Variants in AVEN observed in about 807,000 individuals in gnomAD.
The protein encoded by AVEN is apoptosis and caspase activation inhibitor, also known as cell death regulator Aven.
Under a neutral mutation model 38.1 loss-of-function variants are expected in AVEN, and 41 were observed. The ratio of observed to expected loss-of-function variants is 1.08; its 90% confidence interval spans 0.84 to 1.40. The LOEUF (loss-of-function observed/expected upper bound fraction) is 1.40, where lower values mean the gene tolerates loss of function less well. Ranked by LOEUF, AVEN falls within the 40% of genes most tolerant of loss-of-function variation. The pLI is 0.00. For synonymous variants in AVEN, 206 were observed against 171.8 expected, an observed-to-expected ratio of 1.20 and a Z score of -1.56; for missense variants, 605 against 438.8, an observed-to-expected ratio of 1.38 and a Z score of -3.38.
chr15:34,060,381 C>G (rs1900294743), intron 5 of AVEN, among the ~76,000 whole-genome samples: 2 of 152,088 alleles, frequency 1.3e-5, no homozygotes, highest in Non-Finnish European at 2.9e-5. Context: ...CAACTCGATT[C>G]CATATTGAAT....
rs372176230 is a variant in AVEN, at chr15:33,867,555, C to A, written c.913G>T (p.Asp305Tyr). 13 of 1,612,928 alleles carry A rather than the reference C, an allele frequency of 8.1e-6. No homozygotes were observed. The East Asian group carries it at 2.9e-4, about 36-fold the overall frequency. ...PIKEGDNILP[D>Y]QTSQDLKSKE... ...GATTTCAGGTCCTGAGACGTCTGAT[C>A]TGGTAAGATGTTATCTCCCTCTTTT... The change falls in exon 5 of 6, where the codon GAT (aspartate) becomes TAT (tyrosine). Residue 305 changes from aspartate to tyrosine, a missense_variant. Physicochemically the swap from Asp to Tyr is radical, Grantham distance 160. Coordinates refer to ENST00000306730, the MANE Select transcript of AVEN (RefSeq NM_020371.3).
Position 34,038,805 on chromosome 15 carries a change from C to CCTCCCGG in AVEN, c.235_241dup (p.Gly81AlafsTer13), listed in dbSNP as rs1370625277. The CCTCCCGG allele has an allele frequency of 6.7e-6, 8 of 1,193,060 alleles. No homozygotes were observed. The highest frequency in any genetic ancestry group is 8.3e-6 in the Non-Finnish European group (8 of 962,588). 73.9% of individuals were successfully genotyped at this position (1,193,060 alleles called of 1,614,324 possible). A position where few individuals can be genotyped will look rare whatever the true frequency, so the allele number is the denominator to read the frequency against. ...CGGCGCGCTGGCCCCTGCGCCCCAG[C>CCTCCCGG]CTCCCGGCTCCCGGCGGCTGCCTCG... On this transcript the variant is annotated frameshift_variant, in exon 1 of 6. Transcript: ENST00000306730. LOFTEE classifies it high-confidence loss of function.
chr15:33,889,367 T>C (rs1251732647), intron 2 of AVEN, among the ~76,000 whole-genome samples: 1 of 152,236 alleles, frequency 6.6e-6, no homozygotes, highest in Non-Finnish European at 1.5e-5. Flanking sequence ...CCAGCAGATT[T>C]CTTGCTTTTA....
chr15:34,063,081 C>G lies in AVEN; in HGVS notation n.1478G>C. On this transcript the variant is annotated non_coding_transcript_exon_variant, in exon 5 of 12. Coordinates refer to the AVEN transcript ENST00000675287. The surrounding 1 kb of genome is among the most constrained non-coding windows in gnomAD (Gnocchi z 4.1). ...CAGCAACGCTTCTGTCATGAACCTT[C>G]TGGTGATCAGTTTTGACCGTTACTT... is the stretch of plus-strand genomic sequence containing the variant. 6.2e-7 allele frequency: 1 copy of G among 1,614,216 alleles called. No individual in the cohort carries two copies. Among genetic ancestry groups the G allele is most frequent in the Non-Finnish European group, 8.5e-7 (1 of 1,180,044 alleles).
chr15:33,968,167 C>T (rs1895470894), intron 2 of AVEN, among the ~76,000 whole-genome samples: 2 of 108,500 alleles, frequency 1.8e-5, no homozygotes, highest in Admixed American at 1.0e-4. Flanking sequence ...TGAACATTTT[C>T]AAAAGCATTT....
At chr15:33,863,409 G>A (rs200664393), downstream of AVEN, among the ~76,000 whole-genome samples, 6 of 152,170 alleles carry the variant, frequency 3.9e-5, no homozygotes, top group East Asian at 1.2e-3. Context: ...TCAAGATCTG[G>A]GGCTTAGACT....
At chr15:33,912,221 C>T (rs1049363200) in intron 2 of AVEN, among the ~76,000 whole-genome samples, 2 of 152,082 alleles carry the variant, frequency 1.3e-5, no homozygotes, top group African/African-American at 4.8e-5. Context: ...AAAGAACAAA[C>T]GTATGTTCTT....
At chr15:33,972,911 T>C (rs1895703482) in intron 2 of AVEN, among the ~76,000 whole-genome samples, 1 of 152,164 alleles carries the variant, frequency 6.6e-6, no homozygotes, top group African/African-American at 2.4e-5. Context: ...ACTCCACGCA[T>C]AATTACAAGT....
chr15:33,865,065 A>C, downstream of AVEN: 1 of 1,329,374 alleles, frequency 7.5e-7, no homozygotes, highest in South Asian at 1.2e-5. Context: ...CAAAGAACAA[A>C]AACAAACTGG....
At chr15:33,887,482 T>C (rs1449523127) in intron 2 of AVEN, among the ~76,000 whole-genome samples, 1 of 152,228 alleles carries the variant, frequency 6.6e-6, no homozygotes, top group Non-Finnish European at 1.5e-5. Flanking sequence ...GTTTACTACC[T>C]TTCTAGGGGA....
At chr15:33,900,907 G>A (rs1384646891) in intron 2 of AVEN, among the ~76,000 whole-genome samples, 1 of 152,098 alleles carries the variant, frequency 6.6e-6, no homozygotes, top group African/African-American at 2.4e-5. Flanking sequence ...CTTGGGCTGG[G>A]GCTAGAAAGA....
At chr15:33,943,653 T>C (rs909800708) in intron 2 of AVEN, among the ~76,000 whole-genome samples, 3 of 151,986 alleles carry the variant, frequency 2.0e-5, no homozygotes, top group African/African-American at 7.2e-5. Context: ...CTGGCCAACA[T>C]GGTGAAACTA....
chr15:33,891,614 C>T (rs9796719), intron 2 of AVEN, among the ~76,000 whole-genome samples: 124,679 of 152,112 alleles, frequency 0.82, 55,192 homozygotes, highest in Non-Finnish European at 0.98. Flanking sequence ...CACATTTTCT[C>T]AATCCAGTCT....
intron 2 of AVEN, among the ~76,000 whole-genome samples, chr15:33,927,145 C>T (rs1893641943): frequency 6.6e-6 from 1 of 151,732 alleles, no homozygotes; most frequent in Non-Finnish European, 1.5e-5. Context: ...GTCCCAGCTA[C>T]TGGGGAGGCT....
In AVEN at chr15:34,038,968, C is replaced by T; in HGVS notation, c.79G>A (p.Glu27Lys). The change falls in exon 1 of 6, where the codon GAG becomes AAG. Residue 27 changes from glutamate to lysine, a missense_variant. Glu to Lys is a moderately conservative substitution (Grantham distance 56). Transcript: ENST00000306730. ...ACCGCCGCTGCGGCTCCGGGCCGCT[C>T]GCTGTGGCGATCTCCGCCAGGCCGG... ...RGRPGGDRHS[E>K]RPGAAAAVAR... 1.8e-6 allele frequency: 2 copies of T among 1,110,286 alleles called. No homozygotes were observed. Among genetic ancestry groups the T allele is most frequent in the Non-Finnish European group, 2.2e-6 (2 of 913,586 alleles). The allele number at this position is 1,110,286 out of a possible 1,614,324, so 68.8% of individuals were successfully genotyped here.
upstream of AVEN, among the ~76,000 whole-genome samples, chr15:34,041,651 T>G (rs1899480860): frequency 6.6e-6 from 1 of 152,178 alleles, no homozygotes; most frequent in Non-Finnish European, 1.5e-5. Context: ...AGAGATTGGT[T>G]TGTGGATGAT....
chr15:33,919,219 A>G, intron 2 of AVEN, among the ~76,000 whole-genome samples: 1 of 152,254 alleles, frequency 6.6e-6, no homozygotes, highest in South Asian at 2.1e-4. Flanking sequence ...GTTTTTAAGA[A>G]AAAAATCCAT....
At chr15:34,011,250 C>G (rs114739507) in intron 1 of AVEN, among the ~76,000 whole-genome samples, 69 of 151,980 alleles carry the variant, frequency 4.5e-4, no homozygotes, top group Non-Finnish European at 4.9e-4. Context: ...GGGGGAACTA[C>G]GCTAGCAAAA....
intron 2 of AVEN, among the ~76,000 whole-genome samples, chr15:33,963,321 C>T (rs1030753424): frequency 3.9e-5 from 6 of 152,052 alleles, no homozygotes; most frequent in Admixed American, 3.3e-4. Flanking sequence ...GACAAGAGAT[C>T]CAAGAGGAAG....
Sources: allele counts gnomAD v4.1 joint callset (sites outside exome capture counted in the v4.1 genomes callset), GRCh38; gene constraint gnomAD v4.1.1; non-coding constraint Gnocchi (gnomAD v3.1); transcripts MANE v1.5; gene names NCBI Gene and HGNC (gene_info 2026-07-23, HGNC 2026-07-21).